Variants in DIS3L2 observed in about 807,000 individuals in gnomAD.
DIS3L2 encodes the protein DIS3 like 3'-5' exoribonuclease 2, also known as DIS3-like exonuclease 2.
DIS3L2 carries 34 observed loss-of-function variants against 97.5 expected under a neutral mutation model. The observed-to-expected ratio is 0.35, with a 90% CI of 0.27 to 0.46. The LOEUF (loss-of-function observed/expected upper bound fraction) is 0.46. Among genes scored for constraint, DIS3L2 ranks in the 20% least tolerant of loss-of-function variants. The pLI, the probability that DIS3L2 is intolerant of heterozygous loss-of-function variation, is 1.00. For synonymous variants in DIS3L2, 435 were observed against 445.2 expected, an observed-to-expected ratio of 0.98 and a Z score of 0.29; for missense variants, 1,038 against 1,146.0, an observed-to-expected ratio of 0.91 and a Z score of 1.36.
chr2:232,322,042 C>T (rs1274222908), intron 14 of DIS3L2, among the ~76,000 whole-genome samples: 5 of 152,164 alleles, frequency 3.3e-5, no homozygotes, highest in Admixed American at 1.3e-4. Context: ...GGGGAGGAGG[C>T]GCCCTTAGCA....
At chr2:232,109,696 A>G (rs1462382705) in intron 6 of DIS3L2, among the ~76,000 whole-genome samples, 1 of 152,256 alleles carries the variant, frequency 6.6e-6, no homozygotes, top group East Asian at 1.9e-4. Context: ...CCTTCCTTAC[A>G]CTATATACAC....
chr2:232,294,145 A>G (rs1694667597), intron 13 of DIS3L2, among the ~76,000 whole-genome samples: 1 of 152,138 alleles, frequency 6.6e-6, no homozygotes, highest in Non-Finnish European at 1.5e-5. Context: ...CTCGTACCTC[A>G]TTGGCCTCGG....
rs1023276650 is a variant in DIS3L2 at position 232,295,401 on chromosome 2, T to C, written c.1660-4639T>C. Among the ~76,000 whole-genome samples the C allele has an allele frequency of 2.0e-5, 3 of 152,348 alleles. No individual in the cohort carries two copies. The South Asian group carries it at 6.2e-4, about 32-fold the overall frequency. On this transcript the variant is annotated intron_variant, in intron 13 of 20. Coordinates refer to ENST00000325385, the MANE Select transcript of DIS3L2 (RefSeq NM_152383.5). ...GCCCAATCCACAGATCTTACTGTTATCGCTGCCCATCTTCCTTCCTCTTGC... is the reference window on the plus strand; with the variant it reads ...GCCCAATCCACAGATCTTACTGTTACCGCTGCCCATCTTCCTTCCTCTTGC...
intron 14 of DIS3L2, among the ~76,000 whole-genome samples, chr2:232,318,789 GC>G (rs1695348170): frequency 6.6e-6 from 1 of 152,178 alleles, no homozygotes; most frequent in African/African-American, 2.4e-5. Context: ...GGAGAACTGA[GC>G]AGAGCAGAGA....
At chr2:232,336,419 C>T (rs763203311) in intron 20 of DIS3L2, 50 bp from the exon 21 acceptor site, 16 of 1,576,278 alleles carry the variant, frequency 1.0e-5, no homozygotes, top group East Asian at 2.4e-5. Context: ...AGCTGCGCCT[C>T]GACATCAGGC....
At chr2:231,980,426 C>G (rs1038110893) in intron 1 of DIS3L2, among the ~76,000 whole-genome samples, 1 of 152,102 alleles carries the variant, frequency 6.6e-6, no homozygotes, top group African/African-American at 2.4e-5. Flanking sequence ...AGGCTGGGCG[C>G]AGTGGCTCAT....
chr2:232,107,830 A>G (rs530139806), intron 6 of DIS3L2, among the ~76,000 whole-genome samples: 3 of 152,176 alleles, frequency 2.0e-5, no homozygotes, highest in African/African-American at 7.2e-5. Context: ...GGACACATAC[A>G]CCCTCCCAGG....
chr2:232,267,448 G>A (rs1693881466), intron 13 of DIS3L2, among the ~76,000 whole-genome samples: 1 of 152,188 alleles, frequency 6.6e-6, no homozygotes, highest in Non-Finnish European at 1.5e-5. Flanking sequence ...GATGGGTTGA[G>A]TAATACCCCT....
chr2:232,048,746 G>A (rs2106261019), intron 5 of DIS3L2, among the ~76,000 whole-genome samples: 1 of 151,654 alleles, frequency 6.6e-6, no homozygotes, highest in South Asian at 2.1e-4. Flanking sequence ...AAAAAAAAGA[G>A]TTGTATATGC....
At chr2:232,181,727 C>A (rs548038003) in intron 9 of DIS3L2, among the ~76,000 whole-genome samples, 1 of 152,154 alleles carries the variant, frequency 6.6e-6, no homozygotes, top group East Asian at 1.9e-4. Flanking sequence ...CAACCTCCAC[C>A]TCCTGGGTTC....
intron 9 of DIS3L2, 89 bp from the exon 10 acceptor site, chr2:232,210,237 A>G: frequency 9.5e-7 from 1 of 1,048,054 alleles, no homozygotes; most frequent in Non-Finnish European, 1.5e-6. Context: ...GCACATATGC[A>G]AAATTCACTG....
chr2:232,015,455 C>T (rs927026869), intron 2 of DIS3L2, 59 bp from the exon 3 acceptor site: 2 of 1,574,350 alleles, frequency 1.3e-6, no homozygotes, highest in Non-Finnish European at 1.7e-6. Context: ...ATAATATCTC[C>T]AGTTTTAAAA....
rs1293650975 is a variant in DIS3L2, at chr2:232,270,908, C to CTTG, written c.1659+7469_1659+7470insTGT. On this transcript the variant is annotated intron_variant, in intron 13 of 20. Transcript: ENST00000325385. ...TCTCTCTCTCTCTCTCTCTCTCTCT[C>CTTG]TCTCTCTGTCTCGTCTCTCTCTCTC... 2.1e-3 allele frequency among the ~76,000 whole-genome samples: 276 copies of CTTG among 130,656 alleles called. 2 individuals carry two copies. The highest frequency in any genetic ancestry group is 7.4e-3 in the African/African-American group (259 of 35,148). 85.7% of individuals were successfully genotyped at this position (130,656 alleles called of 152,430 possible). A position where few individuals can be genotyped will look rare whatever the true frequency, so the allele number is the denominator to read the frequency against.
At chr2:231,995,948 T>G (rs1374553513) in intron 1 of DIS3L2, among the ~76,000 whole-genome samples, 13 of 152,206 alleles carry the variant, frequency 8.5e-5, no homozygotes, top group Non-Finnish European at 1.9e-4. Context: ...GGACAAAAGT[T>G]CTTCCTGTCT....
chr2:232,173,574 T>A (rs1450067882), intron 9 of DIS3L2, among the ~76,000 whole-genome samples: 1 of 152,226 alleles, frequency 6.6e-6, no homozygotes, highest in African/African-American at 2.4e-5. Context: ...TTAGTTGTTA[T>A]ATTTATGATC....
chr2:232,217,073 CT>C (rs1055933648), intron 10 of DIS3L2, among the ~76,000 whole-genome samples: 1 of 152,172 alleles, frequency 6.6e-6, no homozygotes, highest in East Asian at 1.9e-4. Context: ...GAACTCCTGA[CT>C]TTGTGATCCG....
intron 6 of DIS3L2, among the ~76,000 whole-genome samples, chr2:232,128,364 C>T (rs2106347857): frequency 6.7e-6 from 1 of 149,060 alleles, no homozygotes; most frequent in South Asian, 2.1e-4. Context: ...TTAATGTGTT[C>T]AATAAATACA....
chr2:232,220,844 T>C (rs1443974720), intron 10 of DIS3L2, among the ~76,000 whole-genome samples: 2 of 152,178 alleles, frequency 1.3e-5, no homozygotes, highest in African/African-American at 2.4e-5. Context: ...GGCTCATTCC[T>C]GTAATCCCAG....
chr2:232,028,103 G>A (rs1019540242), intron 4 of DIS3L2, among the ~76,000 whole-genome samples: 3 of 152,164 alleles, frequency 2.0e-5, no homozygotes, highest in Admixed American at 6.5e-5. Context: ...GAAGGATGCT[G>A]TGACCATCGT....
Sources: allele counts gnomAD v4.1 joint callset (sites outside exome capture counted in the v4.1 genomes callset), GRCh38; gene constraint gnomAD v4.1.1; transcripts MANE v1.5; gene names NCBI Gene and HGNC (gene_info 2026-07-23, HGNC 2026-07-21).